The following MAP6 variants were observed in gnomAD, a reference collection of about 807,000 sequenced individuals.
MAP6 encodes the protein microtubule-associated protein 6.
MAP6 carries 26 observed loss-of-function variants against 42.4 expected under a neutral mutation model. The ratio of observed to expected loss-of-function variants is 0.61; its 90% CI spans 0.45 to 0.85. The LOEUF (loss-of-function observed/expected upper bound fraction) is 0.85, where lower values mean the gene tolerates loss of function less well. Ranked by LOEUF, MAP6 falls within the 40% of genes least tolerant of loss-of-function variation. The pLI is 0.00. For missense variants in MAP6, 966 were observed against 1,099.0 expected (o/e 0.88, Z 1.71); for synonymous variants, 418 against 443.8 (o/e 0.94, Z 0.73).
intron 1 of MAP6, among the ~76,000 whole-genome samples, chr11:75,629,443 C>A (rs1590785686): frequency 6.6e-6 from 1 of 152,106 alleles, no homozygotes; most frequent in East Asian, 1.9e-4. Context: ...TCAACTTGTG[C>A]CAATAAAAGT....
chr11:75,614,316 T>C (rs1236679261), intron 1 of MAP6, among the ~76,000 whole-genome samples: 2 of 152,194 alleles, frequency 1.3e-5, no homozygotes, highest in African/African-American at 4.8e-5. Context: ...TCCTACAATA[T>C]GCCCACAAGT....
At chr11:75,626,690 T>C (rs538492673) in intron 1 of MAP6, among the ~76,000 whole-genome samples, 1 of 152,354 alleles carries the variant, frequency 6.6e-6, no homozygotes, top group South Asian at 2.1e-4. Context: ...CATTCATTAC[T>C]TAATTTAAAT....
At chr11:75,645,226 A>G (rs947914791) in intron 1 of MAP6, among the ~76,000 whole-genome samples, 9 of 151,930 alleles carry the variant, frequency 5.9e-5, no homozygotes, top group Non-Finnish European at 1.0e-4. Flanking sequence ...CCCTCTGTAG[A>G]ATGGGGAGTG....
intron 3 of MAP6, among the ~76,000 whole-genome samples, chr11:75,590,212 G>A (rs915462926): frequency 6.6e-5 from 10 of 152,206 alleles, no homozygotes; most frequent in Non-Finnish European, 1.3e-4. Flanking sequence ...ACCGAATTCA[G>A]AACAGAGCCA....
At chr11:75,606,765 C>T (rs760815446) in intron 2 of MAP6, among the ~76,000 whole-genome samples, 1 of 152,138 alleles carries the variant, frequency 6.6e-6, no homozygotes, top group Non-Finnish European at 1.5e-5. Flanking sequence ...CCACCATTTT[C>T]CCCAGAGCAG....
chr11:75,629,392 C>T (rs756052655), intron 1 of MAP6, among the ~76,000 whole-genome samples: 109 of 152,166 alleles, frequency 7.2e-4, no homozygotes, highest in Admixed American at 2.4e-3. Flanking sequence ...CCTGCCAAGC[C>T]TGGGTCTTTC....
At position 75,655,109 on chromosome 11, in the gene MAP6, G is replaced by A. The variant is rs370906249; in HGVS notation, c.905+12356C>T. On this transcript the variant is annotated intron_variant, in intron 1 of 3. Transcript: ENST00000304771. ...AATCTCCTGCAAACAGGGGTCATGT[G>A]CTCTTCACCTTGAATCTTCATAGCC... is the stretch of plus-strand genomic sequence containing the variant. 5.3e-5 allele frequency among the ~76,000 whole-genome samples: 8 copies of A among 152,246 alleles called. No homozygotes were observed. In the East Asian group the frequency reaches 9.7e-4, roughly 18 times the overall value.
At chr11:75,590,697 A>T (rs1272501278) in intron 3 of MAP6, among the ~76,000 whole-genome samples, 1 of 152,206 alleles carries the variant, frequency 6.6e-6, no homozygotes, top group Non-Finnish European at 1.5e-5. Flanking sequence ...TATTAAGTTT[A>T]AGAAAAACCC....
intron 3 of MAP6, among the ~76,000 whole-genome samples, chr11:75,593,864 A>G (rs7940603): frequency 0.034 from 5,137 of 152,346 alleles, 301 homozygotes; most frequent in African/African-American, 0.12. Context: ...CTTGAGGCCC[A>G]GAGAGCTGGG....
intron 1 of MAP6, among the ~76,000 whole-genome samples, chr11:75,617,905 C>T (rs559144250): frequency 6.6e-6 from 1 of 152,144 alleles, no homozygotes; most frequent in East Asian, 1.9e-4. Flanking sequence ...TAGCTGGGTC[C>T]CCAACGATCT....
At chr11:75,610,503 G>A (rs1371210877) in intron 1 of MAP6, among the ~76,000 whole-genome samples, 2 of 152,210 alleles carry the variant, frequency 1.3e-5, no homozygotes, top group Non-Finnish European at 2.9e-5. Flanking sequence ...TGGGTGGCTG[G>A]GCTCACATTT....
At chr11:75,649,048 T>C (rs1006631003) in intron 1 of MAP6, among the ~76,000 whole-genome samples, 1 of 152,178 alleles carries the variant, frequency 6.6e-6, no homozygotes, top group Admixed American at 6.5e-5. Flanking sequence ...CCCAACAATT[T>C]CTCTTCTAAC....
intron 3 of MAP6, chr11:75,604,119 AC>A (rs1367652220): frequency 2.0e-6 from 2 of 985,622 alleles, no homozygotes; most frequent in African/African-American, 3.5e-5. Flanking sequence ...CTCCTTCCTC[AC>A]AGTTTTAAAC....
intron 1 of MAP6, among the ~76,000 whole-genome samples, chr11:75,618,602 A>G (rs1204772927): frequency 1.3e-5 from 2 of 151,978 alleles, no homozygotes; most frequent in African/African-American, 4.8e-5. Context: ...TGAGACTTAA[A>G]AAAAAAAAAA....
intron 3 of MAP6, among the ~76,000 whole-genome samples, chr11:75,601,164 C>T (rs1033201352): frequency 3.9e-5 from 6 of 152,210 alleles, no homozygotes; most frequent in African/African-American, 1.2e-4. Context: ...CATTGCCCAA[C>T]GCTTGCCCTT....
At chr11:75,639,220 T>C (rs1451470082) in intron 1 of MAP6, among the ~76,000 whole-genome samples, 1 of 152,082 alleles carries the variant, frequency 6.6e-6, no homozygotes, top group Non-Finnish European at 1.5e-5. Context: ...GGGTGATGGG[T>C]ACACTAAAAG....
intron 1 of MAP6, chr11:75,636,012 A>C (rs938294426): frequency 6.6e-6 from 1 of 152,220 alleles, no homozygotes; most frequent in Non-Finnish European, 1.5e-5. Flanking sequence ...GTTCCTAAGA[A>C]TCACCTTGGG....
At chr11:75,639,015 G>A (rs948994177) in intron 1 of MAP6, among the ~76,000 whole-genome samples, 5 of 152,184 alleles carry the variant, frequency 3.3e-5, no homozygotes, top group African/African-American at 4.8e-5. Context: ...GATAGAACTG[G>A]AAGCCATTAT....
intron 3 of MAP6, chr11:75,604,839 C>T (rs2135584969): frequency 3.0e-6 from 3 of 985,472 alleles, no homozygotes; most frequent in South Asian, 4.7e-5. Flanking sequence ...CCGCTGCCCT[C>T]TCTGAGGAGC....
Sources: allele counts gnomAD v4.1 joint callset (sites outside exome capture counted in the v4.1 genomes callset), GRCh38; gene constraint gnomAD v4.1.1; transcripts MANE v1.5; gene names NCBI Gene and HGNC (gene_info 2026-07-23, HGNC 2026-07-21).